TCF7L2: variants seen among roughly 807,000 people sequenced by gnomAD.
The protein encoded by TCF7L2 is transcription factor 7-like 2.
Under a neutral mutation model 77.9 loss-of-function variants are expected in TCF7L2, and 23 were observed. The observed-to-expected ratio is 0.30, with a 90% CI of 0.21 to 0.42. The LOEUF is 0.42. TCF7L2 is among the 10% of genes least tolerant of loss of function. The pLI is 1.00. For missense variants in TCF7L2, 654 were observed against 793.1 expected, an observed-to-expected ratio of 0.82 and a Z score of 2.11; for synonymous variants, 413 against 340.2, an observed-to-expected ratio of 1.21 and a Z score of -2.36.
At chr10:113,009,234 A>C (rs1363180981) in intron 4 of TCF7L2, among the ~76,000 whole-genome samples, 1 of 152,170 alleles carries the variant, frequency 6.6e-6, no homozygotes, top group East Asian at 1.9e-4. Context: ...CTCTAAATAA[A>C]GATACTCCTT....
At chr10:112,999,149 G>A (rs1310437054) in intron 4 of TCF7L2, among the ~76,000 whole-genome samples, 4 of 152,218 alleles carry the variant, frequency 2.6e-5, no homozygotes, top group Admixed American at 6.5e-5. Context: ...CTCTTAAGCA[G>A]TGCCTTTCCC....
chr10:113,070,028 C>T (rs747898921), intron 5 of TCF7L2, among the ~76,000 whole-genome samples: 5 of 151,672 alleles, frequency 3.3e-5, no homozygotes, highest in Non-Finnish European at 7.4e-5. Context: ...GAGGCCAAGG[C>T]GGGTGGATCA....
intron 5 of TCF7L2, among the ~76,000 whole-genome samples, chr10:113,063,045 G>C (rs1383406685): frequency 6.6e-6 from 1 of 152,178 alleles, no homozygotes; most frequent in Non-Finnish European, 1.5e-5. Context: ...TGCGAACTCT[G>C]AATTTCAATT....
chr10:113,060,711 T>G (rs146650828), intron 5 of TCF7L2, among the ~76,000 whole-genome samples: 1 of 152,130 alleles, frequency 6.6e-6, no homozygotes, highest in East Asian at 1.9e-4. Context: ...TGTTTCTAGA[T>G]GCGGAAGTGT....
chr10:112,968,705 A>G (rs966725705), intron 4 of TCF7L2, among the ~76,000 whole-genome samples: 1 of 152,214 alleles, frequency 6.6e-6, no homozygotes, highest in Non-Finnish European at 1.5e-5. Context: ...CAGCCTCGCT[A>G]GTAGCTGGGA....
intron 5 of TCF7L2, among the ~76,000 whole-genome samples, chr10:113,117,639 A>G (rs1462447666): frequency 6.6e-6 from 1 of 152,210 alleles, no homozygotes; most frequent in Non-Finnish European, 1.5e-5. Flanking sequence ...AGTTCTCGGC[A>G]TTCTTTGTGG....
chr10:113,125,303 G>A (rs1263146971), intron 5 of TCF7L2, among the ~76,000 whole-genome samples: 2 of 150,200 alleles, frequency 1.3e-5, no homozygotes, highest in East Asian at 1.9e-4. Flanking sequence ...GACAGCTGTC[G>A]AAAAAGATAT....
chr10:112,980,574 C>G (rs958650228), intron 4 of TCF7L2, among the ~76,000 whole-genome samples: 14 of 152,208 alleles, frequency 9.2e-5, no homozygotes, highest in Middle Eastern at 3.4e-3. Flanking sequence ...CTGCTTCCCT[C>G]CTCCTGGTCT....
intron 13 of TCF7L2, chr10:113,160,837 T>A: frequency 1.3e-6 from 1 of 779,176 alleles, no homozygotes; most frequent in Non-Finnish European, 2.0e-6. Context: ...AAAATTTCCT[T>A]GCTAATTTTA....
chr10:113,123,927 T>G (rs965471485), intron 5 of TCF7L2, among the ~76,000 whole-genome samples: 1 of 152,210 alleles, frequency 6.6e-6, no homozygotes, highest in Non-Finnish European at 1.5e-5. Flanking sequence ...CAAAAACTTG[T>G]TGGATATAAA....
At chr10:113,098,521 G>T (rs1461972821) in intron 5 of TCF7L2, among the ~76,000 whole-genome samples, 1 of 152,062 alleles carries the variant, frequency 6.6e-6, no homozygotes, top group African/African-American at 2.4e-5. Flanking sequence ...CCTGGCCAAT[G>T]TGGTGAAACC....
chr10:113,114,702 G>A (rs114043576), intron 5 of TCF7L2, among the ~76,000 whole-genome samples: 1 of 152,264 alleles, frequency 6.6e-6, no homozygotes, highest in African/African-American at 2.4e-5. Flanking sequence ...TTGCACGGGA[G>A]CACTTAATTT....
intron 8 of TCF7L2, among the ~76,000 whole-genome samples, chr10:113,148,272 T>C (rs2069931538): frequency 6.6e-6 from 1 of 152,192 alleles, no homozygotes; most frequent in Admixed American, 6.5e-5. Flanking sequence ...GCCTGCTAAA[T>C]TGGTGCAAGG....
At chr10:112,989,063 A>T (rs1590066668) in intron 4 of TCF7L2, among the ~76,000 whole-genome samples, 1 of 152,106 alleles carries the variant, frequency 6.6e-6, no homozygotes, top group African/African-American at 2.4e-5. Flanking sequence ...GCAAAGGGAG[A>T]GGCAGCTGCT....
intron 5 of TCF7L2, chr10:113,089,491 T>C: frequency 6.2e-7 from 1 of 1,613,822 alleles, no homozygotes; most frequent in Non-Finnish European, 8.5e-7. Flanking sequence ...TTCAGGGACA[T>C]GAAAAGGAGC....
In TCF7L2 at chr10:113,012,158, C is replaced by T. The variant is rs537673658; in HGVS notation, c.451-27867C>T. 1.4e-4 allele frequency among the ~76,000 whole-genome samples: 22 copies of T among 152,304 alleles called. No individual in the cohort carries two copies. In the South Asian group the frequency reaches 4.4e-3, roughly 30 times the overall value. On this transcript the variant is annotated intron_variant, in intron 4 of 13. Transcript: ENST00000627217. The stretch of plus-strand genomic sequence containing the variant: ...TGGGAAACCTTTAAAATTCTAACGC[C>T]CAGGTCACATCCCATTCCAACTAGA...
chr10:113,112,085 C>G (rs912246384), intron 5 of TCF7L2, among the ~76,000 whole-genome samples: 1 of 152,246 alleles, frequency 6.6e-6, no homozygotes, highest in African/African-American at 2.4e-5. Context: ...TGCTTTCCAT[C>G]TGTGCCTAAT....
chr10:113,157,086 A>G (rs939012409), intron 11 of TCF7L2, among the ~76,000 whole-genome samples: 1 of 152,190 alleles, frequency 6.6e-6, no homozygotes, highest in African/African-American at 2.4e-5. Context: ...TCTTTCTTAC[A>G]GATGTCCACT....
At chr10:112,973,817 T>TGC (rs2038818522) in intron 4 of TCF7L2, among the ~76,000 whole-genome samples, 6 of 152,242 alleles carry the variant, frequency 3.9e-5, no homozygotes, top group Admixed American at 1.3e-4. Context: ...TCTTGAACCC[T>TGC]CACCTCAAGT....
Sources: allele counts gnomAD v4.1 joint callset (sites outside exome capture counted in the v4.1 genomes callset), GRCh38; gene constraint gnomAD v4.1.1; transcripts MANE v1.5; gene names NCBI Gene and HGNC (gene_info 2026-07-23, HGNC 2026-07-21).